Variants in BACE1 observed in about 807,000 individuals in gnomAD.
The protein encoded by BACE1 is beta-secretase 1.
BACE1 carries 21 observed loss-of-function variants against 54.0 expected under a neutral mutation model. That is an observed-to-expected ratio of 0.39 (90% confidence interval 0.28 to 0.56). BACE1 has a LOEUF of 0.56. Among genes scored for constraint, BACE1 ranks in the 20% least tolerant of loss-of-function variants. The pLI is 0.63. For missense variants in BACE1, 511 were observed against 661.2 expected (o/e 0.77, Z 2.49); for synonymous variants, 232 against 260.9 (o/e 0.89, Z 1.07).
chr11:117,299,268 G>C (rs746278446), intron 1 of BACE1, among the ~76,000 whole-genome samples: 3 of 152,124 alleles, frequency 2.0e-5, no homozygotes, highest in Non-Finnish European at 4.4e-5. Context: ...GCCTCTTGCC[G>C]ACTTTCCATC....
At chr11:117,295,369 C>G in intron 2 of BACE1, 22 bp from the exon 3 acceptor site, 1 of 1,608,864 alleles carries the variant, frequency 6.2e-7, no homozygotes, top group Non-Finnish European at 8.5e-7. Context: ...AGGCAGAGAT[C>G]TGTGGATGCA....
chr11:117,308,517 C>T (rs1321218229), intron 1 of BACE1, among the ~76,000 whole-genome samples: 1 of 152,212 alleles, frequency 6.6e-6, no homozygotes, highest in Non-Finnish European at 1.5e-5. Context: ...AACCCCTACT[C>T]TGTTCTTCTT....
chr11:117,302,917 A>G (rs1406565534), intron 1 of BACE1, among the ~76,000 whole-genome samples: 1 of 152,024 alleles, frequency 6.6e-6, no homozygotes, highest in Non-Finnish European at 1.5e-5. Flanking sequence ...AGAACTTGTC[A>G]CTCTGTAATT....
chr11:117,315,907 G>T lies in BACE1; in HGVS notation c.-112C>A. 1 of 1,265,526 alleles carries T rather than the reference G, an allele frequency of 7.9e-7. No homozygotes were observed. The highest frequency in any genetic ancestry group is 1.9e-5 in the South Asian group (1 of 53,040). The allele number at this position is 1,265,526 out of a possible 1,614,324, so 78.4% of individuals were successfully genotyped here. On this transcript the variant is annotated 5_prime_UTR_variant, in exon 1 of 9. Transcript: ENST00000313005. This position sits in a 1 kb window ranked among gnomAD's most constrained non-coding sequence, Gnocchi z 5.5. ...GGCTTCTCAGGAGAGGGAGCTTGGG[G>T]GCATCAGGACGCCAGGGCCTGCAGG... is the stretch of plus-strand genomic sequence containing the variant.
chr11:117,314,901 T>C (rs116874174), intron 1 of BACE1, among the ~76,000 whole-genome samples: 1,640 of 142,402 alleles, frequency 0.012, 8 homozygotes, highest in South Asian at 0.022. Flanking sequence ...TGGGGAGGTG[T>C]GGGGTGGGGG....
Position 117,315,149 on chromosome 11 carries a change from C to T in BACE1, c.261+386G>A, listed in dbSNP as rs2035064092. ...AGAGGAGGGGACAAGGTTGGGTGGC[C>T]AACCTCTAGAGTGGTGGGATTTGGG... On this transcript the variant is annotated intron_variant, in intron 1 of 8. Transcript: ENST00000313005. The surrounding 1 kb of genome is among the most constrained non-coding windows in gnomAD (Gnocchi z 5.5). 6.6e-6 allele frequency among the ~76,000 whole-genome samples: 1 copy of T among 152,196 alleles called. No homozygotes were observed. Among genetic ancestry groups the T allele is most frequent in the South Asian group, 2.1e-4 (1 of 4,836 alleles).
intron 6 of BACE1, 58 bp from the exon 7 acceptor site, chr11:117,291,107 C>T: frequency 6.3e-7 from 1 of 1,583,838 alleles, no homozygotes; most frequent in Non-Finnish European, 8.6e-7. Context: ...TCTCGCCCCT[C>T]CCATGTTCAG....
At chr11:117,297,696 G>T (rs906845428) in intron 1 of BACE1, among the ~76,000 whole-genome samples, 3 of 152,170 alleles carry the variant, frequency 2.0e-5, no homozygotes, top group Admixed American at 6.6e-5. Flanking sequence ...AGTAAAAGTG[G>T]TCTTTTTATA....
rs1016465817 is a variant in BACE1 at position 117,287,658 on chromosome 11, T to C, written c.*1908A>G. 1.3e-5 allele frequency: 2 copies of C among 152,530 alleles called. No individual in the cohort carries two copies. Among genetic ancestry groups the C allele is most frequent in the African/African-American group, 4.8e-5 (2 of 41,450 alleles). 9.4% of individuals were successfully genotyped at this position (152,530 alleles called of 1,614,324 possible). A position where few individuals can be genotyped will look rare whatever the true frequency, so the allele number is the denominator to read the frequency against. The stretch of plus-strand genomic sequence containing the variant: ...AAAATGTGGCATTTTCACTTCATGG[T>C]AGCAGTTCTGAAAGTTTATTTACAC... On this transcript the variant is annotated 3_prime_UTR_variant, in exon 9 of 9. Transcript: ENST00000313005.
Position 117,315,909 on chromosome 11 carries a change from C to A in BACE1, c.-114G>T, listed in dbSNP as rs2035105444. 1 of 1,233,992 alleles carries A rather than the reference C, an allele frequency of 8.1e-7. No homozygotes were observed. The highest frequency in any genetic ancestry group is 3.2e-5 in the East Asian group (1 of 31,614). 76.4% of individuals were successfully genotyped at this position (1,233,992 alleles called of 1,614,324 possible). On this transcript the variant is annotated 5_prime_UTR_variant, in exon 1 of 9. It removes an upstream start codon present in the reference 5' UTR. Coordinates refer to ENST00000313005, the MANE Select transcript of BACE1 (RefSeq NM_012104.6). This position sits in a 1 kb window ranked among gnomAD's most constrained non-coding sequence, Gnocchi z 5.5. ...CTTCTCAGGAGAGGGAGCTTGGGGG[C>A]ATCAGGACGCCAGGGCCTGCAGGGC... is the stretch of plus-strand genomic sequence containing the variant.
rs565805164 is a variant in BACE1, at chr11:117,300,463, TG to T, written c.262-3503del. Among the ~76,000 whole-genome samples the T allele has an allele frequency of 5.6e-4, 85 of 151,292 alleles. 2 individuals are homozygous for T. The South Asian group carries it at 0.014, about 26-fold the overall frequency. On this transcript the variant is annotated intron_variant, in intron 1 of 8. Coordinates refer to ENST00000313005, the MANE Select transcript of BACE1 (RefSeq NM_012104.6). ...CCCTGCTCCATTCCAAGCGGGGGGA[TG>T]GGGGGGGCTCTTAACAGGACGGGCC...
At position 117,287,903 on chromosome 11, in the gene BACE1, TATCAG is replaced by T. The variant is rs1229515422; in HGVS notation, c.*1658_*1662del. 1 of 152,662 alleles carries T rather than the reference TATCAG, an allele frequency of 6.6e-6. No individual in the cohort carries two copies. Among genetic ancestry groups the T allele is most frequent in the African/African-American group, 2.4e-5 (1 of 41,446 alleles). The allele number at this position is 152,662 out of a possible 1,614,324, so 9.5% of individuals were successfully genotyped here. On this transcript the variant is annotated 3_prime_UTR_variant, in exon 9 of 9. Transcript: ENST00000313005. ...GCCCTCCTTGTATTTCCCTCTCCCT[TATCAG>T]GTAATTCCACACTTAGCAGGTCCCA...
chr11:117,293,916 G>A lies in BACE1; in HGVS notation c.660C>T (p.Phe220=). The change falls in exon 4 of 9, where the codon TTC becomes TTT. Residue 220 remains phenylalanine (F), a synonymous_variant. Coordinates refer to ENST00000313005, the MANE Select transcript of BACE1 (RefSeq NM_012104.6). The surrounding 1 kb of genome is among the most constrained non-coding windows in gnomAD (Gnocchi z 4.1). ...LFSLQLCGAG[F]PLNQSEVLAS... ...CCAGCACTTCAGACTGGTTGAGGGG[G>A]AAGCCAGCACCACAAAGCTGCAGGG... The A allele has an allele frequency of 6.2e-7, 1 of 1,613,972 alleles. No individual in the cohort carries two copies. The highest frequency in any genetic ancestry group is 1.1e-5 in the South Asian group (1 of 91,066).
Position 117,315,533 on chromosome 11 carries a change from A to T in BACE1, c.261+2T>A. The T allele has an allele frequency of 6.3e-7, 1 of 1,580,314 alleles. No individual in the cohort carries two copies. The highest frequency in any genetic ancestry group is 8.6e-7 in the Non-Finnish European group (1 of 1,165,830). On this transcript the variant is annotated splice_donor_variant, in intron 1 of 8. Coordinates refer to ENST00000313005, the MANE Select transcript of BACE1 (RefSeq NM_012104.6). LOFTEE classifies it high-confidence loss of function. This position sits in a 1 kb window ranked among gnomAD's most constrained non-coding sequence, Gnocchi z 5.5. ...GGCTAAGGGCTGGCCTGACCACCTT[A>T]CCGTCTGCGGGGGGCTGCCCACGGT... is the stretch of plus-strand genomic sequence containing the variant.
intron 1 of BACE1, among the ~76,000 whole-genome samples, chr11:117,313,571 A>C (rs1360316965): frequency 6.6e-6 from 1 of 152,116 alleles, no homozygotes; most frequent in East Asian, 1.9e-4. Context: ...AGTAGCTGGG[A>C]TTACAGGTGC....
In BACE1 at chr11:117,291,807, A is replaced by G; in HGVS notation, c.847T>C (p.Tyr283His). 1 of 1,608,544 alleles carries G rather than the reference A, an allele frequency of 6.2e-7. No homozygotes were observed. Among genetic ancestry groups the G allele is most frequent in the Non-Finnish European group, 8.5e-7 (1 of 1,175,224 alleles). The change falls in exon 6 of 9, where the codon TAT (tyrosine) becomes CAT (histidine). Residue 283 changes from tyrosine (Y) to histidine (H), a missense_variant. This residue lies in a region of BACE1 where 407 missense variants were observed against 565.7 expected (regional missense o/e 0.72). Coordinates refer to ENST00000313005, the MANE Select transcript of BACE1 (RefSeq NM_012104.6). Reference protein sequence around the residue: ...DLKMDCKEYNYDKSIVDSGTT... With the variant: ...DLKMDCKEYNHDKSIVDSGTT... The stretch of plus-strand genomic sequence containing the variant: ...CCACTGTCCACAATGCTCTTGTCAT[A>G]GTTGTACTAAGAGGGAAAAGAGAGA...
intron 3 of BACE1, among the ~76,000 whole-genome samples, chr11:117,294,659 G>A (rs1012036321): frequency 1.3e-5 from 2 of 151,702 alleles, no homozygotes; most frequent in South Asian, 2.1e-4. Flanking sequence ...CGAGGTGAGC[G>A]GATCACCTGC....
intron 2 of BACE1, 66 bp downstream of exon 2, chr11:117,296,807 C>T (rs2034611433): frequency 1.6e-6 from 2 of 1,275,220 alleles, no homozygotes; most frequent in African/African-American, 3.0e-5. Context: ...TGTACCCCTC[C>T]CCTGACCCTT....
chr11:117,294,891 A>C (rs1001463551), intron 3 of BACE1, among the ~76,000 whole-genome samples: 2 of 152,080 alleles, frequency 1.3e-5, no homozygotes, highest in African/African-American at 4.8e-5. Flanking sequence ...GTCTCAAAAA[A>C]AAAAAGATCT....
Sources: allele counts gnomAD v4.1 joint callset (sites outside exome capture counted in the v4.1 genomes callset), GRCh38; gene constraint gnomAD v4.1.1; regional missense constraint gnomAD v4.1.1; non-coding constraint Gnocchi (gnomAD v3.1); transcripts MANE v1.5; gene names NCBI Gene and HGNC (gene_info 2026-07-23, HGNC 2026-07-21).